Variants in NAALADL2 observed in about 807,000 individuals in gnomAD.
NAALADL2 encodes the protein N-acetylated alpha-linked acidic dipeptidase like 2.
Under a neutral mutation model 87.2 loss-of-function variants are expected in NAALADL2, and 76 were observed. That is an observed-to-expected ratio of 0.87 (90% CI 0.72 to 1.05). The LOEUF (loss-of-function observed/expected upper bound fraction) is 1.05, where lower values mean the gene tolerates loss of function less well. NAALADL2 is among the 50% of genes least tolerant of loss of function. The pLI is 0.00. For synonymous variants in NAALADL2, 354 were observed against 331.0 expected (o/e 1.07, Z -0.75); for missense variants, 1,089 against 945.8 (o/e 1.15, Z -1.99).
intron 1 of NAALADL2, among the ~76,000 whole-genome samples, chr3:174,478,851 A>C (rs528957612): frequency 4.6e-5 from 7 of 152,238 alleles, no homozygotes; most frequent in Admixed American, 3.3e-4. Context: ...AACTGGGATT[A>C]CAAGTTTGTG....
At chr3:174,753,247 T>C (rs934405413) in intron 3 of NAALADL2, among the ~76,000 whole-genome samples, 5 of 152,206 alleles carry the variant, frequency 3.3e-5, no homozygotes, top group African/African-American at 9.6e-5. Context: ...CTAATTTTTT[T>C]GTATTTTTAT....
intron 9 of NAALADL2, among the ~76,000 whole-genome samples, chr3:175,573,553 C>T (rs1718400539): frequency 6.6e-6 from 1 of 152,202 alleles, no homozygotes; most frequent in Admixed American, 6.5e-5. Flanking sequence ...TCAAATTCAA[C>T]TTAAAAACAA....
intron 10 of NAALADL2, among the ~76,000 whole-genome samples, chr3:175,615,441 T>A (rs564355499): frequency 5.9e-5 from 9 of 152,348 alleles, no homozygotes; most frequent in African/African-American, 2.2e-4. Flanking sequence ...ATCCCTATGA[T>A]GATTTTATGA....
intron 2 of NAALADL2, among the ~76,000 whole-genome samples, chr3:175,110,002 T>C (rs1403818496): frequency 6.6e-6 from 1 of 151,844 alleles, no homozygotes; most frequent in Non-Finnish European, 1.5e-5. Context: ...TTTAAAAATA[T>C]TGAAAGTACA....
intron 9 of NAALADL2, among the ~76,000 whole-genome samples, chr3:175,531,099 CCCGAGTGA>C (rs1734035305): frequency 6.6e-6 from 1 of 152,110 alleles, no homozygotes; most frequent in Non-Finnish European, 1.5e-5. Context: ...GGTCATGTGG[CCCGAGTGA>C]CTGAGCAGCT....
At chr3:175,340,216 G>C (rs1191639212) in intron 5 of NAALADL2, among the ~76,000 whole-genome samples, 1 of 152,112 alleles carries the variant, frequency 6.6e-6, no homozygotes, top group African/African-American at 2.4e-5. Context: ...TATAAGGAAT[G>C]CTACAAATTT....
At chr3:175,573,297 A>G (rs1036262662) in intron 9 of NAALADL2, among the ~76,000 whole-genome samples, 1 of 152,182 alleles carries the variant, frequency 6.6e-6, no homozygotes, top group Non-Finnish European at 1.5e-5. Flanking sequence ...AAAGACATAC[A>G]TGTTACTTCA....
intron 2 of NAALADL2, among the ~76,000 whole-genome samples, chr3:174,587,517 T>G (rs1043861633): frequency 6.6e-6 from 1 of 152,208 alleles, no homozygotes; most frequent in Admixed American, 6.5e-5. Context: ...CTGGTACCTG[T>G]TGTTCCTTTC....
intron 13 of NAALADL2, among the ~76,000 whole-genome samples, chr3:175,795,516 T>TTC (rs1190460875): frequency 1.8e-5 from 2 of 108,800 alleles, no homozygotes; most frequent in African/African-American, 1.1e-4. Context: ...TACTAAAAAA[T>TTC]ACAAAAAAAA....
chr3:175,495,687 C>T (rs141823705), intron 9 of NAALADL2, among the ~76,000 whole-genome samples: 1 of 152,180 alleles, frequency 6.6e-6, no homozygotes, highest in Admixed American at 6.6e-5. Context: ...GAATCATTTA[C>T]CACTTACTTC....
intron 13 of NAALADL2, among the ~76,000 whole-genome samples, chr3:175,771,779 A>G (rs1293350411): frequency 6.6e-6 from 1 of 152,186 alleles, no homozygotes; most frequent in Non-Finnish European, 1.5e-5. Flanking sequence ...CTGTTCTCAT[A>G]CTGCTAATAA....
Position 174,821,430 on chromosome 3 carries a change from A to G in NAALADL2, c.-9+83684A>G, listed in dbSNP as rs75644467. 3.7e-3 allele frequency among the ~76,000 whole-genome samples: 567 copies of G among 152,326 alleles called. 1 individual carries two copies. Among genetic ancestry groups the G allele is most frequent in the African/African-American group, 0.013 (520 of 41,584 alleles). ...ATTGTATTTATTAGCATTTAAACAGAAACACTTGCTCCCTTCTTTAACATT... is the reference window on the plus strand; with the variant it reads ...ATTGTATTTATTAGCATTTAAACAGGAACACTTGCTCCCTTCTTTAACATT... On this transcript the variant is annotated intron_variant, in intron 3 of 3. Transcript: ENST00000434257.
At chr3:175,667,197 A>AAG (rs1491071170) in intron 11 of NAALADL2, among the ~76,000 whole-genome samples, 2 of 110,286 alleles carry the variant, frequency 1.8e-5, no homozygotes, top group Non-Finnish European at 3.3e-5. Context: ...GAAAGAAAGA[A>AAG]AGAAAGAAAG....
chr3:175,135,173 T>C (rs1236667702), intron 2 of NAALADL2, among the ~76,000 whole-genome samples: 5 of 152,184 alleles, frequency 3.3e-5, no homozygotes, highest in Admixed American at 3.3e-4. Context: ...TCGCTGTAAG[T>C]GTTCTAGAGT....
At chr3:175,583,720 T>G (rs1217492588) in intron 10 of NAALADL2, among the ~76,000 whole-genome samples, 1 of 152,218 alleles carries the variant, frequency 6.6e-6, no homozygotes, top group Non-Finnish European at 1.5e-5. Context: ...TTCAAAATAT[T>G]GGCCAATAAA....
rs184584305 is a variant in NAALADL2 at position 174,724,282 on chromosome 3, G to T, written c.-114-13359G>T. Among the ~76,000 whole-genome samples, 788 of 152,186 alleles carry T rather than the reference G, an allele frequency of 5.2e-3. 9 individuals carry two copies. The highest frequency in any genetic ancestry group is 0.018 in the African/African-American group (758 of 41,552). ...GAGCAAGGTCAAATTTCTCAGTTTG[G>T]TTATAGATGAGCATATATCTAAAGA... On this transcript the variant is annotated intron_variant, in intron 2 of 3. Transcript: ENST00000434257.
chr3:175,036,824 T>TTTTA (rs1195908035), intron 1 of NAALADL2, among the ~76,000 whole-genome samples: 8 of 148,126 alleles, frequency 5.4e-5, no homozygotes, highest in African/African-American at 2.0e-4. Context: ...TTTTTTTTTT[T>TTTTA]AGCGTTCCTA....
chr3:174,508,113 G>GTTTTTTTTTT (rs1560020933), intron 1 of NAALADL2, among the ~76,000 whole-genome samples: 77 of 92,960 alleles, frequency 8.3e-4, no homozygotes, highest in East Asian at 5.1e-3. Flanking sequence ...GATATCTAGT[G>GTTTTTTTTTT]GTTTTTTTTT....
chr3:174,944,321 G>A (rs1032007767), intron 1 of NAALADL2, among the ~76,000 whole-genome samples: 2 of 152,166 alleles, frequency 1.3e-5, no homozygotes, highest in Non-Finnish European at 2.9e-5. Context: ...TTGTCATAGA[G>A]CAGCTGTGCT....
Sources: gnomAD v4.1 joint callset for allele counts (sites outside exome capture counted in the v4.1 genomes callset) on GRCh38, gnomAD v4.1.1 for gene constraint, MANE v1.5 for transcripts, NCBI Gene and HGNC (gene_info 2026-07-23, HGNC 2026-07-21) for gene names.